ABCC4: variants seen among roughly 807,000 people sequenced by gnomAD.
ABCC4 encodes the protein ATP binding cassette subfamily C member 4 (PEL blood group), also known as ATP-binding cassette sub-family C member 4.
Under a neutral mutation model 168.5 loss-of-function variants are expected in ABCC4, and 102 were observed. The observed-to-expected ratio is 0.61, with a 90% CI of 0.52 to 0.71. The LOEUF is 0.71. ABCC4 is among the 30% of genes least tolerant of loss of function. ABCC4 has a pLI of 0.00. For synonymous variants in ABCC4, 617 were observed against 590.7 expected, an observed-to-expected ratio of 1.04 and a Z score of -0.65; for missense variants, 1,402 against 1,605.8, an observed-to-expected ratio of 0.87 and a Z score of 2.17.
chr13:95,260,874 C>T (rs2040515083), intron 1 of ABCC4, among the ~76,000 whole-genome samples: 1 of 151,668 alleles, frequency 6.6e-6, no homozygotes. Context: ...TGACTTGCAT[C>T]CTTTTATTCA....
chr13:95,287,338 C>T (rs764283162), intron 1 of ABCC4, among the ~76,000 whole-genome samples: 3 of 151,224 alleles, frequency 2.0e-5, no homozygotes, highest in Non-Finnish European at 4.4e-5. Flanking sequence ...CCTCTAATCC[C>T]AGCACTTTGG....
chr13:95,267,229 G>A (rs2040707542), intron 1 of ABCC4, among the ~76,000 whole-genome samples: 1 of 152,064 alleles, frequency 6.6e-6, no homozygotes, highest in Non-Finnish European at 1.5e-5. Context: ...CCCGTGTTGT[G>A]AGAGGGCCTC....
At chr13:95,101,034 A>T (rs1231014995) in intron 20 of ABCC4, among the ~76,000 whole-genome samples, 1 of 152,196 alleles carries the variant, frequency 6.6e-6, no homozygotes, top group Non-Finnish European at 1.5e-5. Flanking sequence ...GAGTGACCCA[A>T]CCTATTATAC....
intron 4 of ABCC4, among the ~76,000 whole-genome samples, chr13:95,226,249 T>C (rs1464648295): frequency 6.6e-6 from 1 of 151,668 alleles, no homozygotes; most frequent in East Asian, 1.9e-4. Context: ...GATTCTAAAG[T>C]CAATATGAAA....
intron 16 of ABCC4, 143 bp downstream of exon 16, chr13:95,164,235 C>A (rs1040464658): frequency 1.0e-6 from 1 of 955,336 alleles, no homozygotes; most frequent in Non-Finnish European, 1.6e-6. Flanking sequence ...CATGGAACAC[C>A]AGTAGGCAGC....
intron 1 of ABCC4, among the ~76,000 whole-genome samples, chr13:95,291,498 A>G (rs1019229130): frequency 6.6e-6 from 1 of 152,198 alleles, no homozygotes; most frequent in Admixed American, 6.6e-5. Context: ...TGATTAGTGG[A>G]TCTGCCACAA....
chr13:95,114,092 G>A (rs1429888949), intron 20 of ABCC4, among the ~76,000 whole-genome samples: 2 of 152,120 alleles, frequency 1.3e-5, no homozygotes, highest in South Asian at 2.1e-4. Context: ...AACCTTCGCT[G>A]TAGATTCAAG....
intron 14 of ABCC4, among the ~76,000 whole-genome samples, chr13:95,169,691 G>A (rs1018994149): frequency 1.3e-5 from 2 of 152,148 alleles, no homozygotes; most frequent in African/African-American, 4.8e-5. Context: ...TCAGCCCGAC[G>A]ATGGCAAGGA....
intron 4 of ABCC4, among the ~76,000 whole-genome samples, chr13:95,213,464 G>A (rs961689127): frequency 1.3e-5 from 2 of 152,196 alleles, no homozygotes; most frequent in Non-Finnish European, 2.9e-5. Context: ...TGCCCCAGAA[G>A]TTTCAGTAGG....
intron 1 of ABCC4, among the ~76,000 whole-genome samples, chr13:95,260,749 T>C (rs770656640): frequency 4.6e-5 from 7 of 152,096 alleles, no homozygotes; most frequent in Non-Finnish European, 8.8e-5. Flanking sequence ...TTGGACTTTA[T>C]CCTAAAGATA....
intron 19 of ABCC4, among the ~76,000 whole-genome samples, chr13:95,151,656 A>G (rs901231009): frequency 3.3e-5 from 5 of 151,852 alleles, no homozygotes; most frequent in African/African-American, 1.2e-4. Flanking sequence ...GAAGGAGAAG[A>G]AATCATCATC....
At chr13:95,146,750 C>G (rs926037101) in intron 19 of ABCC4, among the ~76,000 whole-genome samples, 4 of 152,096 alleles carry the variant, frequency 2.6e-5, no homozygotes, top group African/African-American at 7.2e-5. Context: ...AACAAGACAA[C>G]GGAAGTGACA....
intron 13 of ABCC4, among the ~76,000 whole-genome samples, chr13:95,171,708 G>A (rs1225388282): frequency 6.6e-6 from 1 of 152,216 alleles, no homozygotes; most frequent in Non-Finnish European, 1.5e-5. Context: ...ATTCAGGACT[G>A]AGAAGTCATA....
intron 9 of ABCC4, among the ~76,000 whole-genome samples, chr13:95,191,741 T>G (rs1238365224): frequency 6.6e-6 from 1 of 152,240 alleles, no homozygotes; most frequent in East Asian, 1.9e-4. Context: ...CCGGTCAACC[T>G]GTCCCTTTCC....
chr13:95,042,342 A>G (rs868119988), intron 29 of ABCC4, among the ~76,000 whole-genome samples: 61 of 152,290 alleles, frequency 4.0e-4, no homozygotes, highest in Middle Eastern at 3.4e-3. Flanking sequence ...CCATTGCACC[A>G]TCTTCACTGC....
At chr13:95,058,582 A>AG (rs1566378953) in intron 26 of ABCC4, among the ~76,000 whole-genome samples, 29 of 59,266 alleles carry the variant, frequency 4.9e-4, no homozygotes, top group Non-Finnish European at 9.5e-4. Context: ...AAAAAAAAAA[A>AG]AAAAAAAAAA....
intron 7 of ABCC4, among the ~76,000 whole-genome samples, chr13:95,207,388 T>A (rs1245895674): frequency 1.3e-5 from 2 of 152,230 alleles, no homozygotes. Context: ...CTGTTTGGAA[T>A]GAAAAATACT....
intron 19 of ABCC4, among the ~76,000 whole-genome samples, chr13:95,157,113 C>CACACAG (rs1478792098): frequency 1.4e-5 from 2 of 144,554 alleles, no homozygotes; most frequent in Non-Finnish European, 3.0e-5. Flanking sequence ...CACACACACA[C>CACACAG]ACACACACAC....
intron 19 of ABCC4, among the ~76,000 whole-genome samples, chr13:95,159,101 A>ATATATG (rs1483625898): frequency 8.2e-5 from 6 of 72,984 alleles, no homozygotes; most frequent in African/African-American, 4.1e-4. Context: ...TTTTATATAT[A>ATATATG]TATATATATA....
Sources: allele counts gnomAD v4.1 joint callset (sites outside exome capture counted in the v4.1 genomes callset), GRCh38; gene constraint gnomAD v4.1.1; transcripts MANE v1.5; gene names NCBI Gene and HGNC (gene_info 2026-07-23, HGNC 2026-07-21).